Variants in PRICKLE1 observed in about 807,000 individuals in gnomAD.
PRICKLE1 encodes the protein prickle-like protein 1.
Under a neutral mutation model 70.2 loss-of-function variants are expected in PRICKLE1, and 14 were observed. The observed-to-expected ratio is 0.20, with a 90% CI of 0.13 to 0.31. The LOEUF (loss-of-function observed/expected upper bound fraction) is 0.31, where lower values mean the gene tolerates loss of function less well. PRICKLE1 is among the 10% of genes least tolerant of loss of function. The probability of loss-of-function intolerance (pLI) is 1.00; values close to 1 mark genes in which losing one functional copy is unlikely to be tolerated. For missense variants in PRICKLE1, 821 were observed against 1,026.2 expected (o/e 0.80, Z 2.73); for synonymous variants, 357 against 379.9 (o/e 0.94, Z 0.70).
chr12:42,565,282 T>G (rs1940603077), intron 1 of PRICKLE1, among the ~76,000 whole-genome samples: 1 of 152,006 alleles, frequency 6.6e-6, no homozygotes, highest in African/African-American at 2.4e-5. Context: ...TCAGCCCAGG[T>G]GAGTTGGATG....
At chr12:42,525,489 T>C (rs1592001403) in intron 1 of PRICKLE1, among the ~76,000 whole-genome samples, 1 of 152,190 alleles carries the variant, frequency 6.6e-6, no homozygotes, top group African/African-American at 2.4e-5. Context: ...AAAGAAGTCC[T>C]GTGGGCCTGA....
chr12:42,564,958 A>C (rs1940597178), intron 1 of PRICKLE1, among the ~76,000 whole-genome samples: 2 of 152,394 alleles, frequency 1.3e-5, no homozygotes, highest in East Asian at 1.9e-4. Flanking sequence ...TAGTATTAGC[A>C]AACTGAAAGT....
intron 1 of PRICKLE1, among the ~76,000 whole-genome samples, chr12:42,563,449 C>T (rs1361355115): frequency 1.3e-5 from 2 of 151,546 alleles, no homozygotes; most frequent in Non-Finnish European, 2.9e-5. Flanking sequence ...CCTGTAATCA[C>T]AGCACTTTGA....
At chr12:42,562,768 G>C (rs1350134394) in intron 1 of PRICKLE1, among the ~76,000 whole-genome samples, 1 of 151,936 alleles carries the variant, frequency 6.6e-6, no homozygotes, top group East Asian at 1.9e-4. Context: ...AGAAGGAAAA[G>C]AAAAAAATTG....
At chr12:42,556,166 C>T (rs1453184043) in intron 1 of PRICKLE1, among the ~76,000 whole-genome samples, 3 of 152,206 alleles carry the variant, frequency 2.0e-5, no homozygotes, top group Non-Finnish European at 2.9e-5. Flanking sequence ...GAATGAGCGT[C>T]TCTGGCCTTG....
At chr12:42,534,163 G>GAAGA (rs1053128778) in intron 1 of PRICKLE1, among the ~76,000 whole-genome samples, 14 of 152,124 alleles carry the variant, frequency 9.2e-5, no homozygotes, top group Admixed American at 1.3e-4. Flanking sequence ...AGGAAAAGAT[G>GAAGA]AAGAAAGAAA....
Position 42,468,620 on chromosome 12 carries a change from T to G in PRICKLE1, c.588+6A>C, listed in dbSNP as rs1938192024. On this transcript the variant is annotated splice_donor_region_variant and intron_variant, in intron 5 of 7. Transcript: ENST00000345127. ...TCCCAGTGTGAAAGGATGAACTTTT[T>G]TTTACCTCGTCACATGCTGAGCACC... 3 of 1,613,582 alleles carry G rather than the reference T, an allele frequency of 1.9e-6. No homozygotes were observed. The highest frequency in any genetic ancestry group is 1.7e-5 in the Admixed American group (1 of 60,002).
At chr12:42,527,442 G>A (rs1305459833) in intron 1 of PRICKLE1, among the ~76,000 whole-genome samples, 2 of 152,086 alleles carry the variant, frequency 1.3e-5, no homozygotes, top group African/African-American at 2.4e-5. Context: ...CAGCCTAAAG[G>A]TGTGTATTCT....
intron 1 of PRICKLE1, among the ~76,000 whole-genome samples, chr12:42,561,905 CT>C (rs60450733): frequency 0.65 from 56,936 of 87,452 alleles, 17,299 homozygotes; most frequent in South Asian, 0.83. Flanking sequence ...TTTTTCTTTT[CT>C]TTTTTTTTTT....
chr12:42,490,684 G>T (rs1038084743), intron 1 of PRICKLE1, among the ~76,000 whole-genome samples: 1 of 152,100 alleles, frequency 6.6e-6, no homozygotes, highest in African/African-American at 2.4e-5. Flanking sequence ...CTGGGTAGGG[G>T]CAGTGGAAGG....
At chr12:42,503,383 ACACT>A (rs1183307821) in intron 1 of PRICKLE1, among the ~76,000 whole-genome samples, 1 of 152,286 alleles carries the variant, frequency 6.6e-6, no homozygotes, top group Admixed American at 6.5e-5. Context: ...GACTTCCCGC[ACACT>A]CATTGTACAC....
intron 1 of PRICKLE1, among the ~76,000 whole-genome samples, chr12:42,547,612 A>G (rs1366084951): frequency 6.6e-6 from 1 of 152,220 alleles, no homozygotes; most frequent in Non-Finnish European, 1.5e-5. Flanking sequence ...CTATTTTTAA[A>G]GACTGAATGG....
intron 1 of PRICKLE1, among the ~76,000 whole-genome samples, chr12:42,478,000 T>G (rs1379304020): frequency 2.0e-5 from 3 of 151,340 alleles, no homozygotes; most frequent in Non-Finnish European, 4.4e-5. Flanking sequence ...GACGTTACTT[T>G]AAACTTCCAA....
intron 1 of PRICKLE1, among the ~76,000 whole-genome samples, chr12:42,554,574 A>G (rs1196439277): frequency 6.6e-6 from 1 of 152,206 alleles, no homozygotes; most frequent in Non-Finnish European, 1.5e-5. Flanking sequence ...TGCAGTTTAC[A>G]AGTTACTCAA....
intron 3 of PRICKLE1, 115 bp downstream of exon 3, chr12:42,470,128 AAAG>A (rs1436707827): frequency 2.7e-6 from 2 of 749,894 alleles, no homozygotes; most frequent in Non-Finnish European, 4.7e-6. Context: ...AATTTTAACT[AAAG>A]AAAGGCAAAA....
At chr12:42,550,185 C>A (rs1188464559) in intron 1 of PRICKLE1, 1 of 152,254 alleles carries the variant, frequency 6.6e-6, no homozygotes, top group Non-Finnish European at 1.5e-5. Flanking sequence ...AAACAAAAAT[C>A]TGTTGAGTAT....
At chr12:42,494,391 T>C (rs965369928) in intron 1 of PRICKLE1, among the ~76,000 whole-genome samples, 1 of 152,258 alleles carries the variant, frequency 6.6e-6, no homozygotes, top group Non-Finnish European at 1.5e-5. Context: ...ACTCTGTTGC[T>C]GCTTTATCAA....
intron 1 of PRICKLE1, among the ~76,000 whole-genome samples, chr12:42,550,013 T>C (rs1326661700): frequency 6.6e-6 from 1 of 152,260 alleles, no homozygotes; most frequent in East Asian, 1.9e-4. Context: ...GATTCTTGTT[T>C]GACACCTTTG....
At chr12:42,586,369 A>G (rs887158193) in intron 1 of PRICKLE1, among the ~76,000 whole-genome samples, 2 of 151,506 alleles carry the variant, frequency 1.3e-5, no homozygotes, top group African/African-American at 4.9e-5. Context: ...GATGAGAATC[A>G]CTTTGATTTT....
Sources: allele counts gnomAD v4.1 joint callset (sites outside exome capture counted in the v4.1 genomes callset), GRCh38; gene constraint gnomAD v4.1.1; transcripts MANE v1.5; gene names NCBI Gene and HGNC (gene_info 2026-07-23, HGNC 2026-07-21).